The following PFKFB3 variants were observed in gnomAD, a reference collection of about 807,000 sequenced individuals.
PFKFB3 encodes the protein 6-phosphofructo-2-kinase/fructose-2,6-bisphosphatase 3.
In PFKFB3, 33 loss-of-function variants were observed where a neutral mutation model predicts 68.0. The ratio of observed to expected loss-of-function variants is 0.49; its 90% CI spans 0.37 to 0.65. The LOEUF is 0.65. Ranked by LOEUF, PFKFB3 falls within the 30% of genes least tolerant of loss-of-function variation. The pLI is 0.00. For missense variants in PFKFB3, 586 were observed against 712.2 expected (o/e 0.82, Z 2.02); for synonymous variants, 315 against 288.2 (o/e 1.09, Z -0.94).
rs919025620 is a variant in PFKFB3 at position 6,229,437 on chromosome 10, G to A, written c.1515+3072G>A. 2.3e-4 allele frequency among the ~76,000 whole-genome samples: 35 copies of A among 152,338 alleles called. No homozygotes were observed. The highest frequency in any genetic ancestry group is 5.8e-4 in the African/African-American group (24 of 41,576). On this transcript the variant is annotated intron_variant, in intron 14 of 14. Transcript: ENST00000379775. This position sits in a 1 kb window ranked among gnomAD's most constrained non-coding sequence, Gnocchi z 4.3. ...GCTTCTGGGAGTGGGCTGGGTGCCCGTTCCCTGCTGCTGTCCTGAGGCCCC... is the reference window on the plus strand; with the variant it reads ...GCTTCTGGGAGTGGGCTGGGTGCCCATTCCCTGCTGCTGTCCTGAGGCCCC...
intron 1 of PFKFB3, among the ~76,000 whole-genome samples, chr10:6,171,867 G>A (rs190875282): frequency 7.0e-4 from 106 of 152,360 alleles, no homozygotes; most frequent in African/African-American, 2.1e-3. Flanking sequence ...GAGGGAGCCC[G>A]CGCTTCTCAA....
intron 14 of PFKFB3, among the ~76,000 whole-genome samples, chr10:6,243,077 T>G (rs1489585891): frequency 1.3e-5 from 2 of 152,188 alleles, no homozygotes; most frequent in Non-Finnish European, 2.9e-5. Context: ...AAAAAAATAC[T>G]GGAAGACTCG....
downstream of PFKFB3, among the ~76,000 whole-genome samples, chr10:6,256,715 A>G (rs940129848): frequency 6.6e-6 from 1 of 152,238 alleles, no homozygotes; most frequent in Non-Finnish European, 1.5e-5. Flanking sequence ...CGAAGGAACT[A>G]TTCAGTAAGT....
the PFKFB3 span, among the ~76,000 whole-genome samples, chr10:6,267,121 A>T: frequency 6.6e-6 from 1 of 152,378 alleles, no homozygotes; most frequent in Non-Finnish European, 1.5e-5. Context: ...TATATTGTGC[A>T]GTGACAATTT....
At chr10:6,199,658 ATTTTTTTTTT>A (rs143309528), upstream of PFKFB3, among the ~76,000 whole-genome samples, 5 of 75,584 alleles carry the variant, frequency 6.6e-5, no homozygotes, top group East Asian at 4.0e-4. Context: ...CTATTTTTAA[ATTTTTTTTTT>A]TTTTTTTTTT....
intron 14 of PFKFB3, among the ~76,000 whole-genome samples, 157 bp from the exon 15 acceptor site, chr10:6,232,738 G>T (rs549491792): frequency 6.9e-4 from 105 of 152,288 alleles, no homozygotes; most frequent in Middle Eastern, 3.4e-3. Context: ...GCTCTCTCCC[G>T]CCTGTGAGGT....
At chr10:6,276,128 G>A in the PFKFB3 span, among the ~76,000 whole-genome samples, 1 of 152,088 alleles carries the variant, frequency 6.6e-6, no homozygotes, top group Non-Finnish European at 1.5e-5. Context: ...CCAAGAGAAG[G>A]CTTTGTTTGC....
At chr10:6,207,257 G>C (rs542808804) in intron 1 of PFKFB3, among the ~76,000 whole-genome samples, 3 of 152,158 alleles carry the variant, frequency 2.0e-5, no homozygotes, top group African/African-American at 4.8e-5. Flanking sequence ...CCAACACAGC[G>C]AAACCCCGTC....
the PFKFB3 span, among the ~76,000 whole-genome samples, chr10:6,296,689 C>T: frequency 6.6e-6 from 1 of 152,184 alleles, no homozygotes; most frequent in Admixed American, 6.5e-5. Flanking sequence ...TGTAAACTGT[C>T]GTGGTGCTGG....
chr10:6,195,233 G>C (rs962239426), intron 1 of PFKFB3, among the ~76,000 whole-genome samples: 25 of 152,174 alleles, frequency 1.6e-4, no homozygotes, highest in African/African-American at 6.0e-4. Context: ...AAGACCCTTA[G>C]AGAGGAGACA....
chr10:6,181,119 A>G (rs1203949494), intron 1 of PFKFB3, among the ~76,000 whole-genome samples: 1 of 152,154 alleles, frequency 6.6e-6, no homozygotes, highest in African/African-American at 2.4e-5. Flanking sequence ...GGCTCAAGCT[A>G]TCGCCCCACC....
chr10:6,325,004 C>A, the PFKFB3 span, among the ~76,000 whole-genome samples: 5 of 152,146 alleles, frequency 3.3e-5, no homozygotes, highest in African/African-American at 1.2e-4. Context: ...CCCTCTGACA[C>A]CCAGGCTGGA....
chr10:6,324,247 T>A, the PFKFB3 span, among the ~76,000 whole-genome samples: 1 of 152,176 alleles, frequency 6.6e-6, no homozygotes, highest in Non-Finnish European at 1.5e-5. Context: ...TACATTAGAT[T>A]CCCAGAGTAG....
the PFKFB3 span, among the ~76,000 whole-genome samples, chr10:6,269,114 T>A: frequency 6.6e-6 from 1 of 152,104 alleles, no homozygotes; most frequent in South Asian, 2.1e-4. Context: ...AATTGCTTTT[T>A]AAAACAGTAG....
rs928894346 is a variant in PFKFB3, at chr10:6,183,979, C to T, written c.17-29644C>T. 4.0e-5 allele frequency among the ~76,000 whole-genome samples: 6 copies of T among 151,884 alleles called. No individual in the cohort carries two copies. In the South Asian group the frequency reaches 6.2e-4, roughly 16 times the overall value. ...TGCTGGGATTACAGGTGTGAGCCAC[C>T]GCGCCTGGCCTCAAAGCTGGAATCT... On this transcript the variant is annotated intron_variant, in intron 1 of 14. Transcript: ENST00000379789.
chr10:6,241,076 T>C (rs1564230981), intron 14 of PFKFB3, among the ~76,000 whole-genome samples: 1 of 152,146 alleles, frequency 6.6e-6, no homozygotes. Context: ...GGTTAATTTT[T>C]TTGTATTTTT....
At chr10:6,221,286 A>C in intron 8 of PFKFB3, 95 bp from the exon 9 acceptor site, 2 of 1,441,860 alleles carry the variant, frequency 1.4e-6, no homozygotes, top group Non-Finnish European at 1.9e-6. Context: ...GTAACCAGGT[A>C]GTGCACAGCC....
chr10:6,215,228 C>T lies in PFKFB3; in HGVS notation c.210C>T (p.Asn70=), dbSNP rs746156494. Residue 70 remains asparagine (N), a synonymous_variant, in exon 3 of 15, where the codon AAC becomes AAT. Transcript: ENST00000379775. This position sits in a 1 kb window ranked among gnomAD's most constrained non-coding sequence, Gnocchi z 4.3. ...TCTCTTTCCCGTCCACAGTGTTCAA[C>T]GTCGGGGAGTATCGCCGGGAGGCTG... ...NWIGVPTKVF[N]VGEYRREAVK... 29 of 1,613,628 alleles carry T rather than the reference C, an allele frequency of 1.8e-5. No individual in the cohort carries two copies. The highest frequency in any genetic ancestry group is 6.7e-5 in the Admixed American group (4 of 59,996).
chr10:6,209,109 C>T (rs368629696), intron 1 of PFKFB3, among the ~76,000 whole-genome samples: 5 of 152,204 alleles, frequency 3.3e-5, no homozygotes, highest in African/African-American at 9.6e-5. Flanking sequence ...GTGTCATGAA[C>T]GTAGCAACCT....
Sources: allele counts gnomAD v4.1 joint callset (sites outside exome capture counted in the v4.1 genomes callset), GRCh38; gene constraint gnomAD v4.1.1; non-coding constraint Gnocchi (gnomAD v3.1); transcripts MANE v1.5; gene names NCBI Gene and HGNC (gene_info 2026-07-23, HGNC 2026-07-21).